Variants in HOXB9 observed in about 807,000 individuals in gnomAD.
HOXB9 encodes homeobox B9.
HOXB9 carries 10 observed loss-of-function variants against 21.5 expected under a neutral mutation model. The observed-to-expected ratio is 0.47, with a 90% confidence interval of 0.29 to 0.79. HOXB9 has a LOEUF of 0.79. Among genes scored for constraint, HOXB9 ranks in the 30% least tolerant of loss-of-function variants. HOXB9 has a pLI of 0.10. For synonymous variants in HOXB9, 156 were observed against 151.2 expected, an observed-to-expected ratio of 1.03 and a Z score of -0.23; for missense variants, 375 against 338.7, an observed-to-expected ratio of 1.11 and a Z score of -0.84.
rs570824497 is a variant in HOXB9 at position 48,625,703 on chromosome 17, C to A, written c.517+50G>T. 24 of 1,428,172 alleles carry A rather than the reference C, an allele frequency of 1.7e-5. No individual in the cohort carries two copies. The African/African-American group carries it at 3.6e-4, about 21-fold the overall frequency. 88.5% of individuals were successfully genotyped at this position (1,428,172 alleles called of 1,614,324 possible). The stretch of plus-strand genomic sequence containing the variant: ...CAGTTTATTGCCTTTCCCCTCCCCG[C>A]CCCCCTCCTGGCCTTCGGCCTGGGT... On this transcript the variant is annotated intron_variant, in intron 1 of 1. Transcript: ENST00000311177.
chr17:48,625,315 G>GC (rs1285852751), intron 1 of HOXB9, among the ~76,000 whole-genome samples: 2 of 152,232 alleles, frequency 1.3e-5, no homozygotes, highest in Non-Finnish European at 2.9e-5. Context: ...GGGGAGCTCT[G>GC]CCAGCCGCAC....
rs1452500030 is a variant in HOXB9, at chr17:48,626,280, T to C, written c.-11A>G. 2 of 1,571,014 alleles carry C rather than the reference T, an allele frequency of 1.3e-6. No homozygotes were observed. Among genetic ancestry groups the C allele is most frequent in the Non-Finnish European group, 1.7e-6 (2 of 1,162,156 alleles). On this transcript the variant is annotated 5_prime_UTR_variant, in exon 1 of 2. In the 5' UTR this introduces an upstream ATG that the reference lacks. Transcript: ENST00000311177. Reference sequence around the variant, plus strand: ...CCCAGAAATGGACATTCTCAGACATTATCCGGGCGCTTGCAGGGGGAAGGG... The same window carrying C: ...CCCAGAAATGGACATTCTCAGACATCATCCGGGCGCTTGCAGGGGGAAGGG...
At chr17:48,624,755 G>A (rs909209505) in intron 1 of HOXB9, among the ~76,000 whole-genome samples, 1 of 151,998 alleles carries the variant, frequency 6.6e-6, no homozygotes, top group Admixed American at 6.6e-5. Context: ...ATAAATAATA[G>A]GAGAACCCTC....
Position 48,622,512 on chromosome 17 carries a change from T to C in HOXB9, c.*388A>G. ...TGGATGTCTGCTGAGCTGTGTAGAG[T>C]TGGAGTGTCCCTGGGTGACTTTTGG... On this transcript the variant is annotated 3_prime_UTR_variant, in exon 2 of 2. Transcript: ENST00000311177. 1.0e-5 allele frequency: 2 copies of C among 198,824 alleles called. No homozygotes were observed. The highest frequency in any genetic ancestry group is 1.0e-5 in the Non-Finnish European group (1 of 96,884). 12.3% of individuals were successfully genotyped at this position (198,824 alleles called of 1,614,324 possible). A position where few individuals can be genotyped will look rare whatever the true frequency, so the allele number is the denominator to read the frequency against.
At position 48,626,204 on chromosome 17, in the gene HOXB9, G is replaced by T; in HGVS notation, c.66C>A (p.Asp22Glu). The change falls in exon 1 of 2, where the codon GAC becomes GAA. Residue 22 changes from aspartate (D) to glutamate (E), a missense_variant. Asp to Glu is a conservative substitution (Grantham distance 45). Coordinates refer to ENST00000311177, the MANE Select transcript of HOXB9 (RefSeq NM_024017.5). ...VDSIISHESE[D>E]APPAKFPSGQ... Reference sequence around the variant, plus strand: ...CAGAAGGAAACTTGGCTGGAGGCGCGTCCTCACTCTCGTGACTTATGATCG... The same window carrying T: ...CAGAAGGAAACTTGGCTGGAGGCGCTTCCTCACTCTCGTGACTTATGATCG... 1 of 1,599,286 alleles carries T rather than the reference G, an allele frequency of 6.3e-7. No homozygotes were observed.
At chr17:48,625,366 C>A (rs1194423504) in intron 1 of HOXB9, among the ~76,000 whole-genome samples, 1 of 152,220 alleles carries the variant, frequency 6.6e-6, no homozygotes, top group African/African-American at 2.4e-5. Flanking sequence ...TTGCCCTCGC[C>A]GGCTCTCGGC....
At chr17:48,623,719 C>T (rs567040792) in intron 1 of HOXB9, among the ~76,000 whole-genome samples, 230 of 152,324 alleles carry the variant, frequency 1.5e-3, no homozygotes, top group African/African-American at 5.3e-3. Context: ...ATCTCCCCCC[C>T]TGCCACCACC....
In HOXB9 at chr17:48,622,896, A is replaced by G. The variant is rs1567984553; in HGVS notation, c.*4T>C. ...TAGGGAGGACTGGGGGTAATCTTTA[A>G]TCTTTACTCTTTGCCCTGCTCCTTA... On this transcript the variant is annotated 3_prime_UTR_variant, in exon 2 of 2. Transcript: ENST00000311177. 1 of 1,608,520 alleles carries G rather than the reference A, an allele frequency of 6.2e-7. No individual in the cohort carries two copies. Among genetic ancestry groups the G allele is most frequent in the Admixed American group, 1.7e-5 (1 of 59,992 alleles).
At chr17:48,625,473 A>G (rs2145011394) in intron 1 of HOXB9, among the ~76,000 whole-genome samples, 2 of 152,032 alleles carry the variant, frequency 1.3e-5, no homozygotes, top group South Asian at 4.1e-4. Flanking sequence ...AGAGAGGGGG[A>G]AAGAGGGCCG....
At position 48,622,583 on chromosome 17, in the gene HOXB9, A is replaced by T; in HGVS notation, c.*317T>A. 13 of 287,500 alleles carry T rather than the reference A, an allele frequency of 4.5e-5. No individual in the cohort carries two copies. The highest frequency in any genetic ancestry group is 1.8e-4 in the South Asian group (4 of 22,668). The allele number at this position is 287,500 out of a possible 1,614,324, so 17.8% of individuals were successfully genotyped here. Reference sequence around the variant, plus strand: ...GGCAAGCTGGAAGTGAGGGGCTAGGACTTCCCAGAAAAATTACAGGGCATA... The same window carrying T: ...GGCAAGCTGGAAGTGAGGGGCTAGGTCTTCCCAGAAAAATTACAGGGCATA... On this transcript the variant is annotated 3_prime_UTR_variant, in exon 2 of 2. Coordinates refer to ENST00000311177, the MANE Select transcript of HOXB9 (RefSeq NM_024017.5).
At chr17:48,623,322 G>C (rs1567984737) in intron 1 of HOXB9, among the ~76,000 whole-genome samples, 187 bp from the exon 2 acceptor site, 1 of 152,222 alleles carries the variant, frequency 6.6e-6, no homozygotes, top group African/African-American at 2.4e-5. Context: ...GTGAGAGGCT[G>C]TGTGGAAAGG....
In HOXB9 at chr17:48,621,446, CA is replaced by C. The variant is rs895377885; in HGVS notation, c.*1453del. The stretch of plus-strand genomic sequence containing the variant: ...TGAAGGGGACTGAGAAGTAGGGGAG[CA>C]GGGGGAGGAACGGAAGCAGAGAGTA... On this transcript the variant is annotated 3_prime_UTR_variant, in exon 2 of 2. Coordinates refer to ENST00000311177, the MANE Select transcript of HOXB9 (RefSeq NM_024017.5). The C allele has an allele frequency of 1.2e-4, 18 of 152,454 alleles. No individual in the cohort carries two copies. The highest frequency in any genetic ancestry group is 3.9e-4 in the African/African-American group (16 of 41,442). 9.4% of individuals were successfully genotyped at this position (152,454 alleles called of 1,614,324 possible).
At chr17:48,624,256 T>C (rs1378416418) in intron 1 of HOXB9, among the ~76,000 whole-genome samples, 1 of 152,178 alleles carries the variant, frequency 6.6e-6, no homozygotes, top group Non-Finnish European at 1.5e-5. Context: ...CATCCTACAC[T>C]AAGTACCGTG....
Position 48,626,295 on chromosome 17 carries a change from A to AG in HOXB9, c.-27dup. On this transcript the variant is annotated 5_prime_UTR_variant, in exon 1 of 2. Coordinates refer to ENST00000311177, the MANE Select transcript of HOXB9 (RefSeq NM_024017.5). ...TCTCAGACATTATCCGGGCGCTTGC[A>AG]GGGGGAAGGGAAGCGCTCGCGCGGC... 6.4e-7 allele frequency: 1 copy of AG among 1,562,872 alleles called. No individual in the cohort carries two copies. The highest frequency in any genetic ancestry group is 8.6e-7 in the Non-Finnish European group (1 of 1,158,240).
Position 48,626,261 on chromosome 17 carries a change from A to T in HOXB9, c.9T>A (p.Ile3=). The T allele has an allele frequency of 2.5e-6, 4 of 1,591,522 alleles. No individual in the cohort carries two copies. Among genetic ancestry groups the T allele is most frequent in the Non-Finnish European group, 3.4e-6 (4 of 1,174,522 alleles). Residue 3 remains isoleucine, a synonymous_variant, in exon 1 of 2, where the codon ATT becomes ATA. Transcript: ENST00000311177. ...CATAATAGCTGCTAAGCGTCCCAGA[A>T]ATGGACATTCTCAGACATTATCCGG... MS[I]SGTLSSYYVD...
At chr17:48,625,678 C>A in intron 1 of HOXB9, 75 bp downstream of exon 1, 2 of 1,415,286 alleles carry the variant, frequency 1.4e-6, no homozygotes, top group Non-Finnish European at 1.9e-6. Flanking sequence ...ACATTGTCCG[C>A]AGTTTATTGC....
intron 1 of HOXB9, among the ~76,000 whole-genome samples, chr17:48,623,640 C>T (rs2145009716): frequency 6.6e-6 from 1 of 152,218 alleles, no homozygotes; most frequent in Middle Eastern, 3.4e-3. Flanking sequence ...CCCAATATCC[C>T]CTGCCTTGAT....
rs41300616 is a variant in HOXB9 at position 48,622,508 on chromosome 17, A to T, written c.*392T>A. The T allele has an allele frequency of 1.0e-5, 2 of 198,892 alleles. No individual in the cohort carries two copies. Among genetic ancestry groups the T allele is most frequent in the Non-Finnish European group, 2.1e-5 (2 of 96,908 alleles). The allele number at this position is 198,892 out of a possible 1,614,324, so 12.3% of individuals were successfully genotyped here. ...TGTGTGGATGTCTGCTGAGCTGTGT[A>T]GAGTTGGAGTGTCCCTGGGTGACTT... On this transcript the variant is annotated 3_prime_UTR_variant, in exon 2 of 2. Coordinates refer to ENST00000311177, the MANE Select transcript of HOXB9 (RefSeq NM_024017.5).
In HOXB9 at chr17:48,626,349, G is replaced by A. The variant is rs912373205; in HGVS notation, c.-80C>T. On this transcript the variant is annotated 5_prime_UTR_variant, in exon 1 of 2. Coordinates refer to ENST00000311177, the MANE Select transcript of HOXB9 (RefSeq NM_024017.5). The stretch of plus-strand genomic sequence containing the variant: ...GCCCAAGCAGGGAGAGGTGGCACCC[G>A]GACCGGTGTGAGGGCTTTCGGACGC... The A allele has an allele frequency of 1.2e-5, 17 of 1,453,616 alleles. No individual in the cohort carries two copies. Among genetic ancestry groups the A allele is most frequent in the Non-Finnish European group, 1.5e-5 (16 of 1,085,980 alleles). The allele number at this position is 1,453,616 out of a possible 1,614,324, so 90.0% of individuals were successfully genotyped here.
Sources: allele counts gnomAD v4.1 joint callset (sites outside exome capture counted in the v4.1 genomes callset), GRCh38; gene constraint gnomAD v4.1.1; transcripts MANE v1.5; gene names NCBI Gene and HGNC (gene_info 2026-07-23, HGNC 2026-07-21).